AFF1: variants seen among roughly 807,000 people sequenced by gnomAD.
The protein encoded by AFF1 is AF4/FMR2 family member 1.
AFF1 carries 48 observed loss-of-function variants against 121.7 expected under a neutral mutation model. The observed-to-expected ratio is 0.39, with a 90% CI of 0.31 to 0.50. The LOEUF is 0.50. Ranked by LOEUF, AFF1 falls within the 20% of genes least tolerant of loss-of-function variation. The pLI is 0.76. For missense variants in AFF1, 1,523 were observed against 1,511.7 expected, an observed-to-expected ratio of 1.01 and a Z score of -0.12; for synonymous variants, 613 against 563.0, an observed-to-expected ratio of 1.09 and a Z score of -1.26.
intron 11 of AFF1, among the ~76,000 whole-genome samples, chr4:87,108,901 C>T (rs572445031): frequency 3.3e-5 from 5 of 152,238 alleles, no homozygotes; most frequent in South Asian, 2.1e-4. Flanking sequence ...TTGCTTGTCA[C>T]CCACCCTCAG....
chr4:87,020,808 G>A (rs992172760), intron 2 of AFF1: 26 of 985,374 alleles, frequency 2.6e-5, no homozygotes, highest in Non-Finnish European at 3.1e-5. Flanking sequence ...TGCACAGGTA[G>A]TCATCATTGT....
chr4:86,944,286 AAAC>A lies in AFF1; in HGVS notation c.-36-4210_-36-4208del, dbSNP rs1280071848. Among the ~76,000 whole-genome samples, 9 of 152,300 alleles carry A rather than the reference AAAC, an allele frequency of 5.9e-5. No homozygotes were observed. In the East Asian group the frequency reaches 1.5e-3, roughly 26 times the overall value. Reference sequence around the variant, plus strand: ...CCAGTCATTGTGCTAAAACTTTTACAAACATTATGTCCCCGACGACAATCCCAT... The same window carrying A: ...CCAGTCATTGTGCTAAAACTTTTACAATTATGTCCCCGACGACAATCCCAT... On this transcript the variant is annotated intron_variant, in intron 1 of 20. Transcript: ENST00000395146.
Position 87,136,143 on chromosome 4 carries a change from G to C in AFF1, c.*442G>C, listed in dbSNP as rs1729283993. The C allele has an allele frequency of 4.3e-6, 1 of 233,106 alleles. No homozygotes were observed. The highest frequency in any genetic ancestry group is 2.2e-5 in the African/African-American group (1 of 45,214). 14.4% of individuals were successfully genotyped at this position (233,106 alleles called of 1,614,324 possible). On this transcript the variant is annotated 3_prime_UTR_variant, in exon 21 of 21. Coordinates refer to ENST00000395146, the MANE Select transcript of AFF1 (RefSeq NM_001166693.3). ...TTTTTTTTTTTAACAATGACTTTTG[G>C]TAAAGGGTTTTGTGGATGATTTTTT...
intron 2 of AFF1, among the ~76,000 whole-genome samples, chr4:87,045,859 A>T (rs139026779): frequency 1.2e-4 from 19 of 152,232 alleles, no homozygotes; most frequent in Admixed American, 1.2e-3. Context: ...ATCTTGTCTC[A>T]GTTCCACTGC....
chr4:87,043,852 G>T lies in AFF1; in HGVS notation c.39-2314G>T, dbSNP rs186150998. On this transcript the variant is annotated intron_variant, in intron 2 of 20. Transcript: ENST00000395146. ...TTTTTTTTTTGAGACGGAGTCTCGC[G>T]CTGTTGCCCCGGCTGGAGTACAGTG... is the stretch of plus-strand genomic sequence containing the variant. Among the ~76,000 whole-genome samples, 644 of 150,998 alleles carry T rather than the reference G, an allele frequency of 4.3e-3. 4 individuals carry two copies. The highest frequency in any genetic ancestry group is 0.015 in the African/African-American group (607 of 41,116).
chr4:87,045,002 A>G (rs952119025), intron 2 of AFF1, among the ~76,000 whole-genome samples: 1 of 152,208 alleles, frequency 6.6e-6, no homozygotes, highest in African/African-American at 2.4e-5. Context: ...CATGAGAACC[A>G]GGGCCTTAAA....
chr4:87,077,814 ATTC>A (rs1401945394), intron 4 of AFF1, among the ~76,000 whole-genome samples: 1 of 152,084 alleles, frequency 6.6e-6, no homozygotes, highest in Non-Finnish European at 1.5e-5. Context: ...GAGCATCCTT[ATTC>A]TTTGTTGTAG....
At chr4:86,989,725 A>C (rs1437838454) in intron 2 of AFF1, among the ~76,000 whole-genome samples, 1 of 152,234 alleles carries the variant, frequency 6.6e-6, no homozygotes, top group Non-Finnish European at 1.5e-5. Context: ...ACACATGTAC[A>C]CATATGCATA....
At position 86,949,900 on chromosome 4, in the gene AFF1, G is replaced by A. The variant is rs1404292675; in HGVS notation, c.38+1329G>A. On this transcript the variant is annotated intron_variant, in intron 2 of 20. Transcript: ENST00000395146. ...AGAGCCACGTGAAGGGGTTCTTGGTGGGGTATGGGATCTTCCGCGTCTTGG... is the reference window on the plus strand; with the variant it reads ...AGAGCCACGTGAAGGGGTTCTTGGTAGGGTATGGGATCTTCCGCGTCTTGG... 4.3e-6 allele frequency: 7 copies of A among 1,613,926 alleles called. No individual in the cohort carries two copies. The East Asian group carries it at 1.6e-4, about 36-fold the overall frequency.
intron 7 of AFF1, among the ~76,000 whole-genome samples, chr4:87,092,936 G>A (rs1352392617): frequency 2.6e-5 from 4 of 152,128 alleles, no homozygotes; most frequent in African/African-American, 9.7e-5. Context: ...AGCCGTGGGT[G>A]GGGTTGCTAT....
Position 87,114,620 on chromosome 4 carries a change from C to CTTCTGACAGAA in AFF1, c.1787_1788insTTCTGACAGAA (p.Ala597SerfsTer60). ...GGAAAGAGGAGCTGTCAGAAGTCTC[C>CTTCTGACAGAA]GGCACAGCAGGAGCCCCCACAAAGG... On this transcript the variant is annotated frameshift_variant, in exon 12 of 21. Coordinates refer to ENST00000395146, the MANE Select transcript of AFF1 (RefSeq NM_001166693.3). LOFTEE classifies it high-confidence loss of function. The CTTCTGACAGAA allele has an allele frequency of 6.2e-7, 1 of 1,611,626 alleles. No individual in the cohort carries two copies. Among genetic ancestry groups the CTTCTGACAGAA allele is most frequent in the South Asian group, 1.1e-5 (1 of 90,928 alleles).
intron 2 of AFF1, among the ~76,000 whole-genome samples, chr4:87,035,974 G>A (rs1236966758): frequency 6.6e-6 from 1 of 152,144 alleles, no homozygotes; most frequent in Non-Finnish European, 1.5e-5. Flanking sequence ...AGGGTCAGTT[G>A]ATAGTGTGAC....
intron 2 of AFF1, among the ~76,000 whole-genome samples, chr4:86,950,395 C>T (rs935041223): frequency 6.6e-6 from 1 of 152,188 alleles, no homozygotes; most frequent in African/African-American, 2.4e-5. Flanking sequence ...GCCCCGAATT[C>T]CTAACCTCAG....
chr4:86,965,031 C>T (rs2149472647), intron 2 of AFF1, among the ~76,000 whole-genome samples: 1 of 152,244 alleles, frequency 6.6e-6, no homozygotes, highest in East Asian at 1.9e-4. Flanking sequence ...TGGAGGAGTG[C>T]TGATGTGGAG....
At chr4:86,999,651 G>C (rs193266729) in intron 2 of AFF1, among the ~76,000 whole-genome samples, 8 of 152,224 alleles carry the variant, frequency 5.3e-5, no homozygotes, top group Non-Finnish European at 1.2e-4. Context: ...GTACAAGACA[G>C]CATTTAGATT....
intron 5 of AFF1, among the ~76,000 whole-genome samples, chr4:87,089,756 A>C (rs1724108511): frequency 6.6e-6 from 1 of 152,170 alleles, no homozygotes; most frequent in African/African-American, 2.4e-5. Flanking sequence ...CTATACCTTG[A>C]TTGTCTTCTA....
At chr4:86,978,445 GT>G (rs1723481064) in intron 2 of AFF1, among the ~76,000 whole-genome samples, 1 of 151,980 alleles carries the variant, frequency 6.6e-6, no homozygotes, top group African/African-American at 2.4e-5. Context: ...GCCTCCCAAA[GT>G]GCTGGGATTA....
chr4:87,130,822 G>T (rs532570406), intron 16 of AFF1, among the ~76,000 whole-genome samples: 72 of 152,340 alleles, frequency 4.7e-4, no homozygotes, highest in African/African-American at 1.7e-3. Flanking sequence ...CTTAGTTTGC[G>T]TATGTGCTTT....
chr4:87,095,108 C>G, intron 8 of AFF1, 139 bp downstream of exon 8: 2 of 836,602 alleles, frequency 2.4e-6, no homozygotes, highest in Non-Finnish European at 3.7e-6. Flanking sequence ...AGAAAGGGCC[C>G]ACATTAATTT....
Sources: allele counts gnomAD v4.1 joint callset (sites outside exome capture counted in the v4.1 genomes callset), GRCh38; gene constraint gnomAD v4.1.1; transcripts MANE v1.5; gene names NCBI Gene and HGNC (gene_info 2026-07-23, HGNC 2026-07-21).